Variants in MGLL observed in about 807,000 individuals in gnomAD.
MGLL encodes lysophospholipase homolog.
MGLL carries 7 observed loss-of-function variants against 29.1 expected under a neutral mutation model. That is an observed-to-expected ratio of 0.24 (90% confidence interval 0.14 to 0.45). The LOEUF (loss-of-function observed/expected upper bound fraction) is 0.45. Ranked by LOEUF, MGLL falls within the 20% of genes least tolerant of loss-of-function variation. The pLI is 0.99. For missense variants in MGLL, 356 were observed against 413.6 expected, an observed-to-expected ratio of 0.86 and a Z score of 1.21; for synonymous variants, 148 against 168.3, an observed-to-expected ratio of 0.88 and a Z score of 0.93.
chr3:127,769,037 G>C (rs1337488710), intron 3 of MGLL, among the ~76,000 whole-genome samples: 1 of 152,128 alleles, frequency 6.6e-6, no homozygotes, highest in African/African-American at 2.4e-5. Flanking sequence ...GGAGTCTCTG[G>C]GTAAAACTCT....
At chr3:127,741,051 G>T (rs1000085311) in intron 3 of MGLL, among the ~76,000 whole-genome samples, 4 of 152,220 alleles carry the variant, frequency 2.6e-5, no homozygotes, top group Non-Finnish European at 5.9e-5. Context: ...TAACCACTGG[G>T]CCTTCAGCCA....
intron 3 of MGLL, among the ~76,000 whole-genome samples, chr3:127,728,238 C>T (rs978477039): frequency 3.3e-5 from 5 of 152,198 alleles, no homozygotes; most frequent in Admixed American, 3.3e-4. Context: ...TAGCGTTAAT[C>T]ATTCTAATTA....
chr3:127,766,678 A>T (rs948539091), intron 3 of MGLL, among the ~76,000 whole-genome samples: 3 of 152,236 alleles, frequency 2.0e-5, no homozygotes, highest in Non-Finnish European at 2.9e-5. Context: ...GTTGTGCCAT[A>T]ATCAATGCAA....
intron 2 of MGLL, among the ~76,000 whole-genome samples, chr3:127,802,230 A>T (rs956567652): frequency 7.2e-5 from 11 of 152,140 alleles, no homozygotes; most frequent in Non-Finnish European, 1.3e-4. Flanking sequence ...GGAGTGTAAG[A>T]GATACTAGGT....
At chr3:127,813,740 T>G (rs2077705112) in intron 2 of MGLL, among the ~76,000 whole-genome samples, 1 of 152,138 alleles carries the variant, frequency 6.6e-6, no homozygotes, top group Admixed American at 6.5e-5. Flanking sequence ...GACCCCCATT[T>G]TGAGAGTCTG....
intron 3 of MGLL, among the ~76,000 whole-genome samples, chr3:127,764,712 A>G (rs180945696): frequency 6.6e-6 from 1 of 152,350 alleles, no homozygotes; most frequent in African/African-American, 2.4e-5. Flanking sequence ...CGTAGGTAAT[A>G]TCACACCACT....
intron 2 of MGLL, among the ~76,000 whole-genome samples, chr3:127,814,115 C>T (rs891562360): frequency 5.5e-4 from 83 of 151,884 alleles, no homozygotes; most frequent in African/African-American, 1.8e-3. Context: ...TGAGGCATAC[C>T]TTCTCATCAC....
intron 2 of MGLL, among the ~76,000 whole-genome samples, chr3:127,811,018 G>A (rs1421811855): frequency 6.7e-6 from 1 of 149,230 alleles, no homozygotes; most frequent in African/African-American, 2.6e-5. Flanking sequence ...GTAACCTGCA[G>A]GGAATATTCT....
rs1576501414 is a variant in MGLL, at chr3:127,721,131, C to T, written c.432G>A (p.Glu144=). The T allele has an allele frequency of 6.2e-7, 1 of 1,614,238 alleles. No individual in the cohort carries two copies. Among genetic ancestry groups the T allele is most frequent in the East Asian group, 2.2e-5 (1 of 44,886 alleles). Residue 144 remains glutamate, a synonymous_variant, in exon 5 of 8, where the codon GAG becomes GAA. Transcript: ENST00000265052. ...CCATGCCGGCGAAGTGGCCCGGCCTCTCTGCGGCCGTGAGGATGGCGATGG... is the reference window on the plus strand; with the variant it reads ...CCATGCCGGCGAAGTGGCCCGGCCTTTCTGCGGCCGTGAGGATGGCGATGG... ...GGAIAILTAA[E]RPGHFAGMVL... is the part of the protein sequence containing the mutation.
intron 3 of MGLL, among the ~76,000 whole-genome samples, chr3:127,731,487 G>A (rs2107641185): frequency 6.6e-6 from 1 of 152,128 alleles, no homozygotes; most frequent in East Asian, 1.9e-4. Context: ...AGGCCTTGCT[G>A]ATCCTGGAAA....
chr3:127,689,199 A>T lies in MGLL; in HGVS notation c.*2999T>A, dbSNP rs1214920791. On this transcript the variant is annotated 3_prime_UTR_variant, in exon 8 of 8. Coordinates refer to ENST00000265052, the MANE Select transcript of MGLL (RefSeq NM_007283.7). ...TGAGCCACAGTGACATAGCAAACCC[A>T]ACAGCTGGCTTGTGAAGCCATCGTG... 1 of 152,264 alleles carries T rather than the reference A, an allele frequency of 6.6e-6. No individual in the cohort carries two copies. Among genetic ancestry groups the T allele is most frequent in the Non-Finnish European group, 1.5e-5 (1 of 68,064 alleles). The allele number at this position is 152,264 out of a possible 1,614,324, so 9.4% of individuals were successfully genotyped here.
chr3:127,808,958 G>A (rs563756442), intron 2 of MGLL, among the ~76,000 whole-genome samples: 5 of 152,298 alleles, frequency 3.3e-5, no homozygotes, highest in South Asian at 2.1e-4. Context: ...GAGACACATC[G>A]GTGTGGATTT....
chr3:127,749,564 G>T (rs1212953995), intron 3 of MGLL, among the ~76,000 whole-genome samples: 1 of 152,200 alleles, frequency 6.6e-6, no homozygotes, highest in Non-Finnish European at 1.5e-5. Context: ...CTTGCTGTGT[G>T]CTGGGGGGAT....
intron 6 of MGLL, among the ~76,000 whole-genome samples, chr3:127,702,342 T>C (rs1269122397): frequency 6.6e-6 from 1 of 152,192 alleles, no homozygotes. Flanking sequence ...AGATAGGCCC[T>C]GCCTGACTCA....
intron 5 of MGLL, chr3:127,715,531 T>A (rs2075796308): frequency 2.7e-6 from 1 of 371,332 alleles, no homozygotes; most frequent in African/African-American, 2.1e-5. Flanking sequence ...GCAAAAGAGA[T>A]CCCCTTTCCC....
At chr3:127,817,537 G>A (rs1364236129) in intron 2 of MGLL, among the ~76,000 whole-genome samples, 1 of 152,176 alleles carries the variant, frequency 6.6e-6, no homozygotes, top group Non-Finnish European at 1.5e-5. Context: ...CCTTCATGCC[G>A]GGCCTTGCAG....
intron 2 of MGLL, among the ~76,000 whole-genome samples, chr3:127,813,363 C>T (rs1049828435): frequency 1.3e-5 from 2 of 152,162 alleles, no homozygotes; most frequent in African/African-American, 2.4e-5. Context: ...GGTCCATCTG[C>T]ACTTATTAGC....
chr3:127,727,772 T>C (rs1475864832), intron 3 of MGLL, among the ~76,000 whole-genome samples: 1 of 151,964 alleles, frequency 6.6e-6, no homozygotes, highest in African/African-American at 2.4e-5. Context: ...CTTACCTTCT[T>C]TGATTTTGTA....
chr3:127,706,038 G>A (rs565537072), intron 6 of MGLL, among the ~76,000 whole-genome samples: 1 of 152,140 alleles, frequency 6.6e-6, no homozygotes, highest in Admixed American at 6.5e-5. Context: ...ATGGCAGCAT[G>A]GTTCCTCCAA....
Sources: allele counts gnomAD v4.1 joint callset (sites outside exome capture counted in the v4.1 genomes callset), GRCh38; gene constraint gnomAD v4.1.1; transcripts MANE v1.5; gene names NCBI Gene and HGNC (gene_info 2026-07-23, HGNC 2026-07-21).